PIRT: variants seen among roughly 807,000 people sequenced by gnomAD.
PIRT encodes phosphoinositide interacting regulator of transient receptor potential channels.
PIRT carries 6 observed loss-of-function variants against 7.9 expected under a neutral mutation model. That is an observed-to-expected ratio of 0.76 (90% CI 0.42 to 1.51). The LOEUF is 1.51. Among genes scored for constraint, PIRT ranks in the 40% most tolerant of loss-of-function variants. The pLI is 0.01. For missense variants in PIRT, 170 were observed against 172.9 expected, an observed-to-expected ratio of 0.98 and a Z score of 0.09; for synonymous variants, 78 against 71.8, an observed-to-expected ratio of 1.09 and a Z score of -0.44.
In PIRT at chr17:10,828,699, C is replaced by T. The variant is rs1034403626; in HGVS notation, c.-138-2916G>A. 6.6e-5 allele frequency among the ~76,000 whole-genome samples: 10 copies of T among 152,164 alleles called. No homozygotes were observed. In the South Asian group the frequency reaches 8.3e-4, roughly 13 times the overall value. Reference sequence around the variant, plus strand: ...TGAATGCGTTCTCCTTCAATCCTTCCGACGACGTCAATTTCAGCGGAGTCC... The same window carrying T: ...TGAATGCGTTCTCCTTCAATCCTTCTGACGACGTCAATTTCAGCGGAGTCC... On this transcript the variant is annotated intron_variant, in intron 1 of 1. Transcript: ENST00000580256.
intron 1 of PIRT, among the ~76,000 whole-genome samples, chr17:10,837,218 C>T (rs988682334): frequency 6.6e-6 from 1 of 152,246 alleles, no homozygotes; most frequent in Non-Finnish European, 1.5e-5. Flanking sequence ...CAGACCCTGG[C>T]CAGTGACAGG....
chr17:10,827,329 A>G lies in PIRT; in HGVS notation c.-138-1546T>C, dbSNP rs184068013. 8.6e-3 allele frequency among the ~76,000 whole-genome samples: 1,313 copies of G among 152,240 alleles called. 20 individuals are homozygous for G. Among genetic ancestry groups the G allele is most frequent in the African/African-American group, 0.03 (1,235 of 41,532 alleles). On this transcript the variant is annotated intron_variant, in intron 1 of 1. Transcript: ENST00000580256. ...CCTGACTCAGGGGAGGTAGATGGTC[A>G]CCCATGTGGAGCAATTTCAGGGCTG... is the stretch of plus-strand genomic sequence containing the variant.
At chr17:10,835,656 C>T (rs1457246127) in intron 1 of PIRT, among the ~76,000 whole-genome samples, 3 of 152,236 alleles carry the variant, frequency 2.0e-5, no homozygotes, top group Non-Finnish European at 4.4e-5. Flanking sequence ...GTTAGAGCTG[C>T]CAAGGACGCC....
intron 1 of PIRT, among the ~76,000 whole-genome samples, chr17:10,827,942 T>C (rs1391243507): frequency 6.6e-6 from 1 of 152,216 alleles, no homozygotes; most frequent in Non-Finnish European, 1.5e-5. Context: ...ACAAAGTTAC[T>C]GCCCTGATTC....
At chr17:10,826,626 G>A (rs1036484935) in intron 1 of PIRT, among the ~76,000 whole-genome samples, 6 of 152,208 alleles carry the variant, frequency 3.9e-5, no homozygotes, top group African/African-American at 9.6e-5. Context: ...TTACTGATGA[G>A]ATAGTGAAGC....
chr17:10,833,248 A>C (rs896145666), intron 1 of PIRT, among the ~76,000 whole-genome samples: 3 of 152,254 alleles, frequency 2.0e-5, no homozygotes, highest in African/African-American at 7.2e-5. Context: ...ACCTAAATGT[A>C]AAAGGTAAAA....
Position 10,825,133 on chromosome 17 carries a change from G to T in PIRT, c.*99C>A. Reference sequence around the variant, plus strand: ...CAGGGTCAGGAAGAGCATTTTCCTGGATCAGTTTTATGGCACCCCACAGAG... The same window carrying T: ...CAGGGTCAGGAAGAGCATTTTCCTGTATCAGTTTTATGGCACCCCACAGAG... On this transcript the variant is annotated 3_prime_UTR_variant, in exon 2 of 2. Transcript: ENST00000580256. 7.0e-7 allele frequency: 1 copy of T among 1,425,638 alleles called. No individual in the cohort carries two copies. The allele number at this position is 1,425,638 out of a possible 1,614,324, so 88.3% of individuals were successfully genotyped here.
chr17:10,827,465 CTTTTTTTTTTTTT>C lies in PIRT; in HGVS notation c.-138-1695_-138-1683del, dbSNP rs546105685. On this transcript the variant is annotated intron_variant, in intron 1 of 1. Transcript: ENST00000580256. ...TCTTTCTTTTCTTTCTTTTTCTTTT[CTTTTTTTTTTTTT>C]TTTTTTTTTTTTTGAAGTGGAGTTT... 0.014 allele frequency among the ~76,000 whole-genome samples: 805 copies of C among 56,356 alleles called. 27 individuals are homozygous for C. The East Asian group carries it at 0.16, about 11-fold the overall frequency. 37.0% of individuals were successfully genotyped at this position (56,356 alleles called of 152,430 possible).
intron 1 of PIRT, among the ~76,000 whole-genome samples, chr17:10,831,974 C>T (rs1422118971): frequency 6.6e-6 from 1 of 152,166 alleles, no homozygotes; most frequent in East Asian, 1.9e-4. Context: ...AGTACACAAC[C>T]AAGCTGAGCA....
chr17:10,829,178 G>A (rs192041034), intron 1 of PIRT, among the ~76,000 whole-genome samples: 1 of 152,052 alleles, frequency 6.6e-6, no homozygotes, highest in Non-Finnish European at 1.5e-5. Context: ...TAGTCATTTC[G>A]ATCCCGTTTC....
intron 1 of PIRT, among the ~76,000 whole-genome samples, chr17:10,837,593 A>T (rs770792431): frequency 6.6e-6 from 1 of 152,104 alleles, no homozygotes; most frequent in East Asian, 1.9e-4. Flanking sequence ...TAGATTTGGG[A>T]GGAGAGTCCC....
intron 1 of PIRT, among the ~76,000 whole-genome samples, chr17:10,831,189 CAG>C (rs1310501019): frequency 6.6e-6 from 1 of 152,160 alleles, no homozygotes. Context: ...AGGTAACACT[CAG>C]GGGGCTGGTC....
chr17:10,835,985 C>T (rs1232728779), intron 1 of PIRT, among the ~76,000 whole-genome samples: 1 of 151,882 alleles, frequency 6.6e-6, no homozygotes, highest in Non-Finnish European at 1.5e-5. Context: ...TCACTGCAAC[C>T]TCCACCTCCC....
At chr17:10,827,588 C>T (rs1444679454) in intron 1 of PIRT, among the ~76,000 whole-genome samples, 5 of 148,598 alleles carry the variant, frequency 3.4e-5, no homozygotes, top group Non-Finnish European at 7.4e-5. Context: ...CACTCTCCTG[C>T]CTCAGCCTCC....
intron 1 of PIRT, among the ~76,000 whole-genome samples, chr17:10,831,281 G>A (rs1179162044): frequency 2.0e-5 from 3 of 152,190 alleles, no homozygotes; most frequent in Non-Finnish European, 4.4e-5. Flanking sequence ...TTCACTCACT[G>A]TAGGGAGTTG....
chr17:10,832,201 T>TC (rs1481743623), intron 1 of PIRT, among the ~76,000 whole-genome samples: 1 of 152,026 alleles, frequency 6.6e-6, no homozygotes, highest in Admixed American at 6.6e-5. Context: ...TCTGATTCTT[T>TC]TTTTTTTTGA....
At chr17:10,837,495 A>G (rs2151536953) in intron 1 of PIRT, among the ~76,000 whole-genome samples, 1 of 152,248 alleles carries the variant, frequency 6.6e-6, no homozygotes, top group East Asian at 1.9e-4. Flanking sequence ...GCTCAGGAGG[A>G]CGGCTGGGGT....
chr17:10,835,167 T>C (rs1281846822), intron 1 of PIRT, among the ~76,000 whole-genome samples: 4 of 152,150 alleles, frequency 2.6e-5, no homozygotes, highest in Admixed American at 2.6e-4. Context: ...CTGGCCGAAG[T>C]TCCTACAAAA....
At position 10,823,986 on chromosome 17, in the gene PIRT, A is replaced by G. The variant is rs755067674; in HGVS notation, c.*1246T>C. 3 of 152,232 alleles carry G rather than the reference A, an allele frequency of 2.0e-5. No individual in the cohort carries two copies. The highest frequency in any genetic ancestry group is 4.8e-5 in the African/African-American group (2 of 41,444). 9.4% of individuals were successfully genotyped at this position (152,232 alleles called of 1,614,324 possible). A position where few individuals can be genotyped will look rare whatever the true frequency, so the allele number is the denominator to read the frequency against. On this transcript the variant is annotated 3_prime_UTR_variant, in exon 2 of 2. Transcript: ENST00000580256. The stretch of plus-strand genomic sequence containing the variant: ...ACGCATAGCAGCTCCTGCTGCTTCC[A>G]ATGCCATTCTTTCCCCTCTTTGGTA...
Sources: allele counts gnomAD v4.1 joint callset (sites outside exome capture counted in the v4.1 genomes callset), GRCh38; gene constraint gnomAD v4.1.1; transcripts MANE v1.5; gene names NCBI Gene and HGNC (gene_info 2026-07-23, HGNC 2026-07-21).